The following MYT1L variants were observed in gnomAD, a reference collection of about 807,000 sequenced individuals.
MYT1L encodes the protein myelin transcription factor 1 like.
Under a neutral mutation model 126.7 loss-of-function variants are expected in MYT1L, and 12 were observed. That is an observed-to-expected ratio of 0.09 (90% CI 0.06 to 0.15). The LOEUF (loss-of-function observed/expected upper bound fraction) is 0.15. Among genes scored for constraint, MYT1L ranks in the 10% least tolerant of loss-of-function variants. The pLI is 1.00. For missense variants in MYT1L, 979 were observed against 1,585.2 expected (o/e 0.62, Z 6.49); for synonymous variants, 541 against 604.2 (o/e 0.90, Z 1.53).
At chr2:2,274,237 A>G (rs1456548762) in intron 2 of MYT1L, among the ~76,000 whole-genome samples, 1 of 151,920 alleles carries the variant, frequency 6.6e-6, no homozygotes, top group Non-Finnish European at 1.5e-5. Flanking sequence ...ATGTATGAAA[A>G]TATTATATAT....
rs185262029 is a variant in MYT1L, at chr2:1,945,376, A to G, written c.153-2042T>C. On this transcript the variant is annotated intron_variant, in intron 8 of 24. Transcript: ENST00000647738. ...GTTCAGGTGGGGACTGGGATGAGAA[A>G]GTGAGCTGAGGAGGGTGCCCAGATC... Among the ~76,000 whole-genome samples the G allele has an allele frequency of 3.0e-3, 458 of 152,304 alleles. 2 individuals are homozygous for G. Among genetic ancestry groups the G allele is most frequent in the Non-Finnish European group, 3.4e-3 (233 of 68,024 alleles).
chr2:1,934,291 C>CATATATATATATATATATAT (rs71276815), intron 9 of MYT1L, among the ~76,000 whole-genome samples: 18 of 123,558 alleles, frequency 1.5e-4, no homozygotes, highest in African/African-American at 5.4e-4. Flanking sequence ...ATTTTTATAA[C>CATATATATATATATATATAT]ATATATATAT....
chr2:2,018,066 T>C (rs1374562359), intron 4 of MYT1L, among the ~76,000 whole-genome samples: 4 of 152,172 alleles, frequency 2.6e-5, no homozygotes, highest in African/African-American at 9.7e-5. Flanking sequence ...ACATAATTGA[T>C]TTTCCACATG....
intron 3 of MYT1L, among the ~76,000 whole-genome samples, chr2:2,139,528 A>G (rs1216849866): frequency 6.6e-6 from 1 of 152,008 alleles, no homozygotes. Flanking sequence ...AATCCCAGCT[A>G]CTCGGGAGGC....
chr2:1,884,980 A>C (rs1034198826), intron 18 of MYT1L, among the ~76,000 whole-genome samples: 1 of 152,220 alleles, frequency 6.6e-6, no homozygotes, highest in Non-Finnish European at 1.5e-5. Flanking sequence ...TAAGCCGCCA[A>C]GCCCAACGTG....
At chr2:1,900,045 CT>C (rs566254009) in intron 14 of MYT1L, among the ~76,000 whole-genome samples, 20 of 152,296 alleles carry the variant, frequency 1.3e-4, no homozygotes, top group African/African-American at 4.6e-4. Flanking sequence ...TGGCCCTGAC[CT>C]TTGGTTGCTA....
chr2:2,032,680 G>GCC (rs2066474765), intron 4 of MYT1L, among the ~76,000 whole-genome samples: 1 of 91,492 alleles, frequency 1.1e-5, no homozygotes, highest in Admixed American at 1.3e-4. Flanking sequence ...CACACCCCTC[G>GCC]CAAGTGCCTC....
intron 9 of MYT1L, among the ~76,000 whole-genome samples, chr2:1,940,881 G>A (rs1442525682): frequency 1.3e-5 from 2 of 152,212 alleles, no homozygotes; most frequent in Non-Finnish European, 2.9e-5. Flanking sequence ...TGCCAGGTCT[G>A]GCCGCAGAGT....
chr2:2,052,699 C>T (rs2068980919), intron 4 of MYT1L, among the ~76,000 whole-genome samples: 1 of 152,034 alleles, frequency 6.6e-6, no homozygotes, highest in African/African-American at 2.4e-5. Flanking sequence ...GAGGGAAATG[C>T]AAATCAAAAC....
At chr2:1,949,016 C>T (rs2057489705) in intron 8 of MYT1L, among the ~76,000 whole-genome samples, 1 of 152,082 alleles carries the variant, frequency 6.6e-6, no homozygotes, top group African/African-American at 2.4e-5. Context: ...ACAGTTGAAA[C>T]TTCAAAGAAG....
rs1189801727 is a variant in MYT1L, at chr2:1,791,384, T to G, written c.*483A>C. 7.3e-6 allele frequency: 3 copies of G among 412,676 alleles called. No individual in the cohort carries two copies. Among genetic ancestry groups the G allele is most frequent in the Admixed American group, 6.5e-5 (2 of 30,860 alleles). 25.6% of individuals were successfully genotyped at this position (412,676 alleles called of 1,614,324 possible). A position where few individuals can be genotyped will look rare whatever the true frequency, so the allele number is the denominator to read the frequency against. On this transcript the variant is annotated 3_prime_UTR_variant, in exon 25 of 25. Transcript: ENST00000647738. The surrounding 1 kb of genome is among the most constrained non-coding windows in gnomAD (Gnocchi z 6.0). ...CACAAAATGTATTTCTTAAATTCCA[T>G]AAAGTCCTCCAACATGAGGCAAAAT...
chr2:2,051,090 C>A (rs1053800310), intron 4 of MYT1L, among the ~76,000 whole-genome samples: 6 of 152,000 alleles, frequency 3.9e-5, no homozygotes, highest in African/African-American at 1.2e-4. Flanking sequence ...GAAATAGAAC[C>A]ACACCCCATT....
chr2:1,834,592 A>G (rs987929872), intron 21 of MYT1L, among the ~76,000 whole-genome samples: 1 of 152,222 alleles, frequency 6.6e-6, no homozygotes, highest in Non-Finnish European at 1.5e-5. Context: ...AGCAAACCCC[A>G]TGGGATTCTA....
At chr2:2,245,138 C>A in intron 2 of MYT1L, among the ~76,000 whole-genome samples, 1 of 152,044 alleles carries the variant, frequency 6.6e-6, no homozygotes, top group Non-Finnish European at 1.5e-5. Context: ...AACTATTGCA[C>A]CAAGAGTGAT....
intron 2 of MYT1L, among the ~76,000 whole-genome samples, chr2:2,210,068 T>C (rs1355540252): frequency 6.6e-6 from 1 of 152,244 alleles, no homozygotes; most frequent in Non-Finnish European, 1.5e-5. Flanking sequence ...TTCATAATCC[T>C]GCTTGCCATT....
intron 2 of MYT1L, among the ~76,000 whole-genome samples, chr2:2,225,388 G>A (rs910441706): frequency 1.3e-5 from 2 of 152,146 alleles, no homozygotes; most frequent in African/African-American, 4.8e-5. Flanking sequence ...TCCCAAGGCA[G>A]CACCTACCTA....
In MYT1L at chr2:1,790,297, C is replaced by T. The variant is rs2031836001; in HGVS notation, c.*1570G>A. ...AAGTACGTCTGTACTTCCTGCATAACATCAAGACATGGAAGGAAGAGATGC... is the reference window on the plus strand; with the variant it reads ...AAGTACGTCTGTACTTCCTGCATAATATCAAGACATGGAAGGAAGAGATGC... On this transcript the variant is annotated 3_prime_UTR_variant, in exon 25 of 25. Transcript: ENST00000647738. The T allele has an allele frequency of 6.6e-6, 1 of 151,970 alleles. No individual in the cohort carries two copies. The highest frequency in any genetic ancestry group is 1.5e-5 in the Non-Finnish European group (1 of 68,004). 9.4% of individuals were successfully genotyped at this position (151,970 alleles called of 1,614,324 possible).
rs1014932497 is a variant in MYT1L, at chr2:2,224,485, T to C, written c.-420-51497A>G. ...AAAAGGAATTAGATTAGGTTCAGCC[T>C]CATCGCACCCCATGCCATAACTATT... On this transcript the variant is annotated intron_variant, in intron 2 of 24. Coordinates refer to ENST00000647738, the MANE Select transcript of MYT1L (RefSeq NM_001303052.2). This position sits in a 1 kb window ranked among gnomAD's most constrained non-coding sequence, Gnocchi z 4.0. Among the ~76,000 whole-genome samples, 1 of 152,132 alleles carries C rather than the reference T, an allele frequency of 6.6e-6. No homozygotes were observed. Among genetic ancestry groups the C allele is most frequent in the Non-Finnish European group, 1.5e-5 (1 of 68,030 alleles).
intron 1 of MYT1L, among the ~76,000 whole-genome samples, chr2:2,290,287 C>T (rs2095580571): frequency 6.6e-6 from 1 of 152,168 alleles, no homozygotes; most frequent in South Asian, 2.1e-4. Context: ...GGCCCAGAGC[C>T]CTGGCTTCCA....
Sources: allele counts gnomAD v4.1 joint callset (sites outside exome capture counted in the v4.1 genomes callset), GRCh38; gene constraint gnomAD v4.1.1; non-coding constraint Gnocchi (gnomAD v3.1); transcripts MANE v1.5; gene names NCBI Gene and HGNC (gene_info 2026-07-23, HGNC 2026-07-21).